The following ZNF469 variants were observed in gnomAD, a reference collection of about 807,000 sequenced individuals.
The protein encoded by ZNF469 is zinc finger protein 469.
In ZNF469, 1 loss-of-function variant was observed where a neutral mutation model predicts 1.0. That is an observed-to-expected ratio of 1.00 (90% CI 0.35 to 4.73). The LOEUF (loss-of-function observed/expected upper bound fraction) is 4.73. Among genes scored for constraint, ZNF469 ranks in the 30% most tolerant of loss-of-function variants. ZNF469 has a pLI of 0.16. For synonymous variants in ZNF469, 2,703 were observed against 2,363.4 expected (o/e 1.14, Z -4.17); for missense variants, 6,100 against 5,356.3 (o/e 1.14, Z -4.33).
upstream of ZNF469, among the ~76,000 whole-genome samples, chr16:88,380,282 T>G: frequency 1.4e-5 from 1 of 73,040 alleles, no homozygotes; most frequent in South Asian, 5.6e-4. Flanking sequence ...CACCCAGACA[T>G]GCACACACAC....
chr16:88,227,847 C>T, the ZNF469 span, among the ~76,000 whole-genome samples: 1 of 152,188 alleles, frequency 6.6e-6, no homozygotes. Flanking sequence ...GCCAGCCGTC[C>T]TCGGCGTTCC....
At chr16:88,200,040 G>A in the ZNF469 span, among the ~76,000 whole-genome samples, 17 of 152,296 alleles carry the variant, frequency 1.1e-4, no homozygotes, top group Admixed American at 4.6e-4. Flanking sequence ...TCCCACCCCC[G>A]GCTTTGGGAC....
chr16:88,204,579 G>A, the ZNF469 span, among the ~76,000 whole-genome samples: 4 of 152,364 alleles, frequency 2.6e-5, no homozygotes, highest in East Asian at 1.9e-4. Context: ...GATTTTCTCC[G>A]ACAGGAGGAA....
At chr16:88,174,093 C>G in the ZNF469 span, among the ~76,000 whole-genome samples, 1 of 152,084 alleles carries the variant, frequency 6.6e-6, no homozygotes, top group Non-Finnish European at 1.5e-5. Flanking sequence ...TATATGTTGC[C>G]TACAAGAAAT....
the ZNF469 span, among the ~76,000 whole-genome samples, chr16:88,158,822 AG>A: frequency 1.8e-3 from 280 of 152,194 alleles, 1 homozygote; most frequent in African/African-American, 6.3e-3. Flanking sequence ...CGGGCAGTGC[AG>A]GGGGGCAGAG....
chr16:88,390,524 C>G (rs1451137033), intron 1 of ZNF469, among the ~76,000 whole-genome samples: 1 of 152,232 alleles, frequency 6.6e-6, no homozygotes, highest in Non-Finnish European at 1.5e-5. Context: ...CTCACTTGGA[C>G]ACAACCTCCA....
chr16:88,437,771 A>T lies in ZNF469; in HGVS notation c.10301A>T (p.Asp3434Val), dbSNP rs1207402400. Residue 3434 changes from aspartate (D) to valine (V), a missense_variant, in exon 3 of 3, where the codon GAC (aspartate) becomes GTC (valine). Coordinates refer to ENST00000565624, the MANE Select transcript of ZNF469 (RefSeq NM_001367624.2). ...ACCTTCGCCAAGAAGGAGCAGTTCG[A>T]CCGCCACATGAACAAGCACCTCAGG... ...NYTFAKKEQF[D>V]RHMNKHLRGG... 1.3e-6 allele frequency: 2 copies of T among 1,549,382 alleles called. No homozygotes were observed. The highest frequency in any genetic ancestry group is 8.7e-7 in the Non-Finnish European group (1 of 1,146,360).
chr16:88,247,058 ATT>A, the ZNF469 span, among the ~76,000 whole-genome samples: 3 of 25,250 alleles, frequency 1.2e-4, no homozygotes, highest in Non-Finnish European at 1.2e-4. Flanking sequence ...TGAGTGAGTG[ATT>A]GAGTGAGTGA....
the ZNF469 span, among the ~76,000 whole-genome samples, chr16:88,210,723 C>T: frequency 6.6e-6 from 1 of 152,226 alleles, no homozygotes; most frequent in Non-Finnish European, 1.5e-5. Flanking sequence ...TGACCATCTA[C>T]GAACTATTCA....
At chr16:88,385,941 C>T (rs372700965) in intron 1 of ZNF469, among the ~76,000 whole-genome samples, 46 of 152,304 alleles carry the variant, frequency 3.0e-4, no homozygotes, top group African/African-American at 9.9e-4. Context: ...CCATGGGTTT[C>T]AGGAGACTCC....
the ZNF469 span, among the ~76,000 whole-genome samples, chr16:88,277,114 GC>G: frequency 6.6e-6 from 1 of 151,090 alleles, no homozygotes; most frequent in South Asian, 2.1e-4. Flanking sequence ...TTAGTGCTGT[GC>G]CACGCTGACG....
the ZNF469 span, among the ~76,000 whole-genome samples, chr16:88,337,509 T>A: frequency 1.3e-5 from 2 of 152,222 alleles, no homozygotes; most frequent in Non-Finnish European, 1.5e-5. Flanking sequence ...AACACCCAAG[T>A]GTTTGCACGG....
chr16:88,173,433 G>A, the ZNF469 span, among the ~76,000 whole-genome samples: 4 of 152,212 alleles, frequency 2.6e-5, no homozygotes, highest in Admixed American at 2.0e-4. Flanking sequence ...AATAAAAACT[G>A]ATGGAATTCA....
the ZNF469 span, among the ~76,000 whole-genome samples, chr16:88,202,781 G>C: frequency 1.3e-5 from 2 of 152,342 alleles, no homozygotes; most frequent in Admixed American, 6.5e-5. Flanking sequence ...GTCAGCACTG[G>C]GGGTGAGGAG....
chr16:88,272,570 G>A, the ZNF469 span, among the ~76,000 whole-genome samples: 236 of 151,912 alleles, frequency 1.6e-3, no homozygotes, highest in Non-Finnish European at 2.8e-3. Flanking sequence ...GGAGAGATGA[G>A]TGGATAGATG....
At chr16:88,418,486 G>A (rs1905362589) in intron 1 of ZNF469, among the ~76,000 whole-genome samples, 1 of 152,138 alleles carries the variant, frequency 6.6e-6, no homozygotes, top group Non-Finnish European at 1.5e-5. Flanking sequence ...CTTGCCATGT[G>A]CCAGCTCTCA....
chr16:88,318,756 C>A, the ZNF469 span, among the ~76,000 whole-genome samples: 35 of 152,334 alleles, frequency 2.3e-4, no homozygotes, highest in African/African-American at 8.4e-4. Context: ...GGGATGCTCC[C>A]TTGGAAAGCA....
In ZNF469 at chr16:88,403,195, T is replaced by G. The variant is rs527691190; in HGVS notation, c.-192+19941T>G. 2.6e-5 allele frequency among the ~76,000 whole-genome samples: 4 copies of G among 152,356 alleles called. 1 individual carries two copies. Among genetic ancestry groups the G allele is most frequent in the African/African-American group, 9.6e-5 (4 of 41,582 alleles). On this transcript the variant is annotated intron_variant, in intron 1 of 2. Coordinates refer to ENST00000565624, the MANE Select transcript of ZNF469 (RefSeq NM_001367624.2). ...GTGCTGGATGCTTCTGTCCGTCCGTTGCCAGGGCTGTGTTCCGCAGGGTGG... is the reference window on the plus strand; with the variant it reads ...GTGCTGGATGCTTCTGTCCGTCCGTGGCCAGGGCTGTGTTCCGCAGGGTGG...
Position 88,437,173 on chromosome 16 carries a change from G to C in ZNF469, c.9703G>C (p.Ala3235Pro). The change falls in exon 3 of 3, where the codon GCG becomes CCG. Residue 3235 changes from alanine (A) to proline (P), a missense_variant. By Grantham distance (27) the Ala-to-Pro change is conservative (BLOSUM62 -1). Transcript: ENST00000565624. ...CCTTCTGAACAGCATCACGGAACCC[G>C]CGCCCAAACACCACAGGGGCAAGCG... ...AHLLNSITEPAPKHHRGKRSA... is the reference protein window; with the variant it reads ...AHLLNSITEPPPKHHRGKRSA... 1 of 1,549,474 alleles carries C rather than the reference G, an allele frequency of 6.5e-7. No homozygotes were observed. Among genetic ancestry groups the C allele is most frequent in the Non-Finnish European group, 8.7e-7 (1 of 1,146,598 alleles).
Sources: gnomAD v4.1 joint callset for allele counts (sites outside exome capture counted in the v4.1 genomes callset) on GRCh38, gnomAD v4.1.1 for gene constraint, MANE v1.5 for transcripts, NCBI Gene and HGNC (gene_info 2026-07-23, HGNC 2026-07-21) for gene names.